PNLIPRP1: variants seen among roughly 807,000 people sequenced by gnomAD.
PNLIPRP1 encodes inactive pancreatic lipase-related protein 1.
In PNLIPRP1, 57 loss-of-function variants were observed where a neutral mutation model predicts 54.6. That is an observed-to-expected ratio of 1.04 (90% CI 0.84 to 1.30). The LOEUF is 1.30. Among genes scored for constraint, PNLIPRP1 ranks in the 50% most tolerant of loss-of-function variants. PNLIPRP1 has a pLI of 0.00. For synonymous variants in PNLIPRP1, 232 were observed against 208.8 expected, an observed-to-expected ratio of 1.11 and a Z score of -0.96; for missense variants, 567 against 568.5, an observed-to-expected ratio of 1.00 and a Z score of 0.03.
chr10:116,608,948 C>A, intron 12 of PNLIPRP1, 105 bp from the exon 13 acceptor site: 1 of 870,644 alleles, frequency 1.1e-6, no homozygotes, highest in South Asian at 1.4e-5. Flanking sequence ...TGGGCTTAAC[C>A]CCTTAAGAAA....
At chr10:116,608,910 C>T (rs765607852) in intron 12 of PNLIPRP1, 143 bp from the exon 13 acceptor site, 72 of 705,680 alleles carry the variant, frequency 1.0e-4, no homozygotes, top group Non-Finnish European at 1.7e-4. Flanking sequence ...CCCCCTCGTG[C>T]CTCCTGAATC....
chr10:116,598,679 A>G (rs1053891467), intron 8 of PNLIPRP1, among the ~76,000 whole-genome samples: 8 of 152,204 alleles, frequency 5.3e-5, no homozygotes, highest in Non-Finnish European at 1.2e-4. Flanking sequence ...AGGAGCAATC[A>G]CAGTTAAGGA....
chr10:116,605,328 G>A, intron 11 of PNLIPRP1, 58 bp from the exon 12 acceptor site: 1 of 911,258 alleles, frequency 1.1e-6, no homozygotes, highest in South Asian at 2.3e-5. Context: ...GCCTGGCATT[G>A]TATGGTAATT....
Position 116,597,832 on chromosome 10 carries a change from G to A in PNLIPRP1, c.579G>A (p.Leu193=), listed in dbSNP as rs1554864152. 1 of 1,614,174 alleles carries A rather than the reference G, an allele frequency of 6.2e-7. No individual in the cohort carries two copies. Among genetic ancestry groups the A allele is most frequent in the East Asian group, 2.2e-5 (1 of 44,886 alleles). Residue 193 remains leucine, a synonymous_variant, in exon 7 of 13, where the codon TTG becomes TTA. Transcript: ENST00000358834. ...KTPGLSRITG[L]DPVEASFEST... ...AGTGCTGATCATCTCTTTTAGGGTT[G>A]GATCCTGTAGAAGCAAGTTTCGAGA...
rs1554863048 is a variant in PNLIPRP1, at chr10:116,591,010, C to G, written c.-1+15C>G. 1.4e-6 allele frequency: 1 copy of G among 717,574 alleles called. No homozygotes were observed. Among genetic ancestry groups the G allele is most frequent in the African/African-American group, 1.7e-5 (1 of 57,810 alleles). 44.5% of individuals were successfully genotyped at this position (717,574 alleles called of 1,614,324 possible). A position where few individuals can be genotyped will look rare whatever the true frequency, so the allele number is the denominator to read the frequency against. On this transcript the variant is annotated intron_variant, in intron 1 of 12. Coordinates refer to ENST00000358834, the MANE Select transcript of PNLIPRP1 (RefSeq NM_006229.4). ...CATTAGACAGGGTAAGCCACCTTTG[C>G]AACTCCTTTCCCCCTGCTGTGACGT...
chr10:116,601,482 T>C (rs3781564), intron 10 of PNLIPRP1, among the ~76,000 whole-genome samples: 9,859 of 152,196 alleles, frequency 0.065, 699 homozygotes, highest in East Asian at 0.41. Context: ...ACCCTGAATT[T>C]TTACCACTCC....
chr10:116,605,406 CA>C lies in PNLIPRP1; in HGVS notation c.1195del (p.Thr399ProfsTer26), dbSNP rs782001211. Reference protein sequence around the residue: ...SIFRGILKPGSTHSYEFDAKL... With the variant: ...SIFRGILKPGXTHSYEFDAKL... ...TCAAGGGGGATTCTCAAACCAGGCT[CA>C]ACCCATTCCTATGAGTTTGATGCAA... On this transcript the variant is annotated frameshift_variant, in exon 12 of 13. Transcript: ENST00000358834. LOFTEE classifies it high-confidence loss of function. 95 of 1,599,898 alleles carry C rather than the reference CA, an allele frequency of 5.9e-5. No homozygotes were observed. In the African/African-American group the frequency reaches 1.1e-3, roughly 19 times the overall value.
chr10:116,597,009 C>G (rs1416943829), intron 6 of PNLIPRP1, among the ~76,000 whole-genome samples: 1 of 152,100 alleles, frequency 6.6e-6, no homozygotes, highest in African/African-American at 2.4e-5. Flanking sequence ...ATAACTTGCC[C>G]AAAGCCACAC....
intron 6 of PNLIPRP1, among the ~76,000 whole-genome samples, chr10:116,596,535 C>T (rs891920621): frequency 1.1e-4 from 16 of 152,284 alleles, no homozygotes; most frequent in African/African-American, 3.8e-4. Context: ...TTCCTCTTTG[C>T]TTCTTCCACC....
rs1847631411 is a variant in PNLIPRP1, at chr10:116,591,289, G to C, written c.49+111G>C. 25 of 780,794 alleles carry C rather than the reference G, an allele frequency of 3.2e-5. 1 individual carries two copies. In the South Asian group the frequency reaches 3.8e-4, roughly 12 times the overall value. 48.4% of individuals were successfully genotyped at this position (780,794 alleles called of 1,614,324 possible). A position where few individuals can be genotyped will look rare whatever the true frequency, so the allele number is the denominator to read the frequency against. ...CTCCCAGCAGCTCCAGGGTACCAGAGAGAAGATGTGGGCTGACACTCTGCC... is the reference window on the plus strand; with the variant it reads ...CTCCCAGCAGCTCCAGGGTACCAGACAGAAGATGTGGGCTGACACTCTGCC... On this transcript the variant is annotated intron_variant, in intron 2 of 12. Transcript: ENST00000358834.
chr10:116,608,637 C>G (rs1847975927), intron 12 of PNLIPRP1, among the ~76,000 whole-genome samples: 1 of 152,236 alleles, frequency 6.6e-6, no homozygotes, highest in Non-Finnish European at 1.5e-5. Context: ...GTGAATTAAG[C>G]AGCATAATTG....
intron 12 of PNLIPRP1, 69 bp downstream of exon 12, chr10:116,605,622 T>C: frequency 3.3e-6 from 4 of 1,218,948 alleles, no homozygotes; most frequent in Non-Finnish European, 4.5e-6. Context: ...AAACCCACCC[T>C]AGAAAGTTAC....
chr10:116,597,538 T>C (rs1459282803), intron 6 of PNLIPRP1, among the ~76,000 whole-genome samples: 2 of 152,184 alleles, frequency 1.3e-5, no homozygotes, highest in Admixed American at 6.5e-5. Flanking sequence ...AGAAGAAAGA[T>C]ACACAAGTAA....
chr10:116,596,299 C>T lies in PNLIPRP1; in HGVS notation c.551C>T (p.Thr184Ile), dbSNP rs1554863958. The T allele has an allele frequency of 1.9e-5, 31 of 1,612,800 alleles. No individual in the cohort carries two copies. The highest frequency in any genetic ancestry group is 1.7e-4 in the Middle Eastern group (1 of 6,060). The stretch of plus-strand genomic sequence containing the variant: ...GTGGCTGGAGAGGCAGGAAGCAAGA[C>T]TCCAGGCCTGAGCAGGATTACAGGT... The part of the protein sequence containing the change: ...AHVAGEAGSK[T>I]PGLSRITGLD... The change falls in exon 6 of 13, where the codon ACT becomes ATT. Residue 184 changes from threonine to isoleucine, a missense_variant. Transcript: ENST00000358834.
Position 116,590,976 on chromosome 10 carries a change from C to T in PNLIPRP1, c.-20C>T. On this transcript the variant is annotated 5_prime_UTR_variant, in exon 1 of 13. Coordinates refer to ENST00000358834, the MANE Select transcript of PNLIPRP1 (RefSeq NM_006229.4). ...GGACACTCGATCCGGTGGGAGGGAA[C>T]ATCTGGAACATTAGACAGGGTAAGC... The T allele has an allele frequency of 1.7e-6, 1 of 601,546 alleles. No homozygotes were observed. The highest frequency in any genetic ancestry group is 3.0e-6 in the Non-Finnish European group (1 of 333,798). The allele number at this position is 601,546 out of a possible 1,614,324, so 37.3% of individuals were successfully genotyped here. A position where few individuals can be genotyped will look rare whatever the true frequency, so the allele number is the denominator to read the frequency against.
intron 4 of PNLIPRP1, 137 bp from the exon 5 acceptor site, chr10:116,594,593 C>T (rs1173399394): frequency 1.1e-6 from 1 of 911,738 alleles, no homozygotes; most frequent in Admixed American, 2.1e-5. Flanking sequence ...TAATTACCAA[C>T]AGGATTCCCT....
At position 116,604,038 on chromosome 10, in the gene PNLIPRP1, T is replaced by C; in HGVS notation, c.1072T>C (p.Tyr358His). The part of the protein sequence containing the change: ...GEASNFARWR[Y>H]GVSITLSGRT... ...TTCCATCTCCTGTGCAGGCTGGAGA[T>C]ATGGGGTTTCCATCACACTGTCTGG... is the stretch of plus-strand genomic sequence containing the variant. The change falls in exon 11 of 13, where the codon TAT becomes CAT. Residue 358 changes from tyrosine to histidine, a missense_variant. Coordinates refer to ENST00000358834, the MANE Select transcript of PNLIPRP1 (RefSeq NM_006229.4). 1 of 1,610,654 alleles carries C rather than the reference T, an allele frequency of 6.2e-7. No individual in the cohort carries two copies. Among genetic ancestry groups the C allele is most frequent in the Non-Finnish European group, 8.5e-7 (1 of 1,177,168 alleles).
chr10:116,603,608 T>C (rs1181979209), intron 10 of PNLIPRP1, among the ~76,000 whole-genome samples: 11 of 152,154 alleles, frequency 7.2e-5, no homozygotes, highest in African/African-American at 2.7e-4. Flanking sequence ...TTTCTTATAC[T>C]TTGGCTGGGT....
intron 11 of PNLIPRP1, 23 bp downstream of exon 11, chr10:116,604,161 C>T (rs375658578): frequency 2.7e-5 from 35 of 1,286,206 alleles, no homozygotes; most frequent in South Asian, 8.4e-5. Context: ...TTTAACACTA[C>T]GTCTCATTTG....
Sources: allele counts gnomAD v4.1 joint callset (sites outside exome capture counted in the v4.1 genomes callset), GRCh38; gene constraint gnomAD v4.1.1; transcripts MANE v1.5; gene names NCBI Gene and HGNC (gene_info 2026-07-23, HGNC 2026-07-21).